SGMS1: variants seen among roughly 807,000 people sequenced by gnomAD.
SGMS1 encodes the protein sphingomyelin synthase 1, also known as phosphatidylcholine:ceramide cholinephosphotransferase 1.
Under a neutral mutation model 46.2 loss-of-function variants are expected in SGMS1, and 13 were observed. That is an observed-to-expected ratio of 0.28 (90% CI 0.18 to 0.45). The LOEUF (loss-of-function observed/expected upper bound fraction) is 0.45, where lower values mean the gene tolerates loss of function less well. Ranked by LOEUF, SGMS1 falls within the 20% of genes least tolerant of loss-of-function variation. The probability of loss-of-function intolerance (pLI) is 1.00; values close to 1 mark genes in which losing one functional copy is unlikely to be tolerated. For missense variants in SGMS1, 324 were observed against 519.9 expected (o/e 0.62, Z 3.66); for synonymous variants, 203 against 187.8 (o/e 1.08, Z -0.66).
rs869195679 is a variant in SGMS1, at chr10:50,495,071, TAC to T, written c.-498+24758_-498+24759del. Among the ~76,000 whole-genome samples the T allele has an allele frequency of 8.9e-4, 40 of 44,812 alleles. 3 individuals carry two copies. Among genetic ancestry groups the T allele is most frequent in the Middle Eastern group, 0.01 (1 of 98 alleles). The allele number at this position is 44,812 out of a possible 152,430, so 29.4% of individuals were successfully genotyped here. A position where few individuals can be genotyped will look rare whatever the true frequency, so the allele number is the denominator to read the frequency against. On this transcript the variant is annotated intron_variant, in intron 3 of 10. Transcript: ENST00000361781. ...ATAAAATAAAAAAAAATACAAAAAA[TAC>T]AAAAAAAAAAAAAAATTAGCCGGAC...
rs568574604 is a variant in SGMS1 at position 50,600,907 on chromosome 10, G to C, written c.-683-10660C>G. ...GGAGAGAAGCAGGGGTGAGAGAGTA[G>C]AGCAGCAAGGAACCACAAAGGACAG... On this transcript the variant is annotated intron_variant, in intron 1 of 10. Coordinates refer to ENST00000361781, the MANE Select transcript of SGMS1 (RefSeq NM_147156.4). 6.6e-5 allele frequency among the ~76,000 whole-genome samples: 10 copies of C among 152,290 alleles called. No individual in the cohort carries two copies. In the East Asian group the frequency reaches 1.9e-3, roughly 29 times the overall value.
At chr10:50,333,146 T>C (rs2133330514) in intron 7 of SGMS1, among the ~76,000 whole-genome samples, 1 of 152,274 alleles carries the variant, frequency 6.6e-6, no homozygotes, top group Admixed American at 6.5e-5. Context: ...GGAATCACCA[T>C]TACCAACAAA....
intron 5 of SGMS1, among the ~76,000 whole-genome samples, chr10:50,445,094 TA>T (rs1233405998): frequency 1.3e-5 from 2 of 152,120 alleles, no homozygotes; most frequent in Non-Finnish European, 2.9e-5. Flanking sequence ...GAATGGCCAA[TA>T]AGTACATGAA....
intron 1 of SGMS1, 99 bp downstream of exon 1, chr10:50,623,608 G>T: frequency 1.0e-6 from 1 of 985,340 alleles, no homozygotes; most frequent in Non-Finnish European, 1.2e-6. Context: ...AGAGCAGCCC[G>T]CCCGCTGCTC....
chr10:50,573,548 T>A (rs1838353794), intron 2 of SGMS1, among the ~76,000 whole-genome samples: 1 of 152,192 alleles, frequency 6.6e-6, no homozygotes, highest in Non-Finnish European at 1.5e-5. Context: ...CGTGTATTCA[T>A]GGATAGGAAG....
At chr10:50,579,149 A>C (rs1838411099) in intron 2 of SGMS1, among the ~76,000 whole-genome samples, 1 of 152,300 alleles carries the variant, frequency 6.6e-6, no homozygotes, top group East Asian at 1.9e-4. Flanking sequence ...AGAATAAAAA[A>C]ACTGTCAAAA....
intron 6 of SGMS1, among the ~76,000 whole-genome samples, chr10:50,394,075 T>C (rs1848810968): frequency 6.6e-6 from 1 of 152,186 alleles, no homozygotes; most frequent in Non-Finnish European, 1.5e-5. Context: ...AGGCAGAAAT[T>C]ACTTAAATCC....
At chr10:50,574,963 G>GTATGTATATATATATA (rs1554793450) in intron 2 of SGMS1, among the ~76,000 whole-genome samples, 33 of 99,870 alleles carry the variant, frequency 3.3e-4, no homozygotes, top group African/African-American at 9.8e-4. Flanking sequence ...AAAATGTGGT[G>GTATGTATATATATATA]TATATATATA....
intron 6 of SGMS1, among the ~76,000 whole-genome samples, chr10:50,390,154 A>C (rs547295346): frequency 1.3e-5 from 2 of 152,382 alleles, no homozygotes; most frequent in South Asian, 4.1e-4. Context: ...CAATGAAATT[A>C]TGTTCAATTA....
At chr10:50,566,615 C>T (rs1276933730) in intron 2 of SGMS1, among the ~76,000 whole-genome samples, 3 of 152,180 alleles carry the variant, frequency 2.0e-5, no homozygotes, top group Non-Finnish European at 4.4e-5. Context: ...GATATTTCAA[C>T]TCAAATTCAA....
At chr10:50,405,701 T>C (rs555817830) in intron 6 of SGMS1, among the ~76,000 whole-genome samples, 13 of 152,346 alleles carry the variant, frequency 8.5e-5, no homozygotes, top group African/African-American at 2.9e-4. Context: ...CAAATATTTA[T>C]AATTCTTGAG....
intron 5 of SGMS1, among the ~76,000 whole-genome samples, chr10:50,440,236 A>G (rs921503910): frequency 3.3e-5 from 5 of 151,390 alleles, no homozygotes; most frequent in Admixed American, 1.3e-4. Context: ...TCCCTCCAGA[A>G]CTCCTGTTAC....
At chr10:50,365,395 AAACT>A (rs1286629068) in intron 6 of SGMS1, among the ~76,000 whole-genome samples, 7 of 152,260 alleles carry the variant, frequency 4.6e-5, no homozygotes, top group Non-Finnish European at 7.4e-5. Flanking sequence ...CATATTCTAA[AAACT>A]AACTATACTG....
upstream of SGMS1, chr10:50,624,242 C>T: frequency 2.0e-6 from 1 of 488,656 alleles, no homozygotes; most frequent in Non-Finnish European, 2.7e-6. Context: ...CAATCTGGGA[C>T]GGTAAATCCC....
intron 7 of SGMS1, chr10:50,341,345 G>A: frequency 2.2e-6 from 1 of 455,986 alleles, no homozygotes; most frequent in Non-Finnish European, 4.4e-6. Flanking sequence ...CAGGGAGAGA[G>A]ACAGGAAACC....
intron 6 of SGMS1, among the ~76,000 whole-genome samples, chr10:50,387,270 C>G (rs1227832286): frequency 6.6e-6 from 1 of 152,130 alleles, no homozygotes; most frequent in African/African-American, 2.4e-5. Flanking sequence ...AAAAGCATTC[C>G]TTGGGGGTTC....
chr10:50,554,798 C>T (rs967561414), intron 2 of SGMS1, among the ~76,000 whole-genome samples: 6 of 152,364 alleles, frequency 3.9e-5, no homozygotes, highest in Non-Finnish European at 5.9e-5. Context: ...GATTACATCA[C>T]TATGTATTCT....
intron 3 of SGMS1, among the ~76,000 whole-genome samples, chr10:50,470,997 G>T (rs1837373858): frequency 6.6e-6 from 1 of 152,074 alleles, no homozygotes; most frequent in African/African-American, 2.4e-5. Flanking sequence ...GCTGAATCAG[G>T]GATTTAATGA....
intron 6 of SGMS1, among the ~76,000 whole-genome samples, chr10:50,405,902 A>C (rs1211089296): frequency 2.0e-5 from 3 of 152,204 alleles, no homozygotes; most frequent in African/African-American, 7.2e-5. Context: ...AAAATACTTA[A>C]TCCTCAAAAG....
Sources: allele counts gnomAD v4.1 joint callset (sites outside exome capture counted in the v4.1 genomes callset), GRCh38; gene constraint gnomAD v4.1.1; transcripts MANE v1.5; gene names NCBI Gene and HGNC (gene_info 2026-07-23, HGNC 2026-07-21).